ROBO2: variants seen among roughly 807,000 people sequenced by gnomAD.
The protein encoded by ROBO2 is roundabout guidance receptor 2, also known as roundabout homolog 2.
Under a neutral mutation model 160.8 loss-of-function variants are expected in ROBO2, and 53 were observed. That is an observed-to-expected ratio of 0.33 (90% CI 0.26 to 0.41). The LOEUF is 0.41. Ranked by LOEUF, ROBO2 falls within the 10% of genes least tolerant of loss-of-function variation. The pLI is 1.00. For synonymous variants in ROBO2, 664 were observed against 611.7 expected (o/e 1.09, Z -1.26); for missense variants, 1,577 against 1,722.4 (o/e 0.92, Z 1.49).
chr3:76,016,781 G>A (rs556197180), intron 2 of ROBO2, among the ~76,000 whole-genome samples: 363 of 152,166 alleles, frequency 2.4e-3, no homozygotes, highest in African/African-American at 6.3e-3. Context: ...TGTTACCTGA[G>A]TCCCCTCAGG....
chr3:77,214,068 G>A (rs1421016234), intron 2 of ROBO2, among the ~76,000 whole-genome samples: 1 of 152,090 alleles, frequency 6.6e-6, no homozygotes, highest in Non-Finnish European at 1.5e-5. Context: ...GATTTTGGGT[G>A]GAGAGTTCTG....
chr3:77,645,111 C>T (rs1220099655), intron 25 of ROBO2, among the ~76,000 whole-genome samples: 1 of 152,128 alleles, frequency 6.6e-6, no homozygotes, highest in Non-Finnish European at 1.5e-5. Flanking sequence ...TGCTATTTCA[C>T]GTTGGATTTA....
chr3:76,887,770 G>A (rs2074022674), intron 2 of ROBO2, among the ~76,000 whole-genome samples: 2 of 152,082 alleles, frequency 1.3e-5, no homozygotes, highest in African/African-American at 2.4e-5. Context: ...ACCTCAGGAA[G>A]CCATATTGAG....
At chr3:77,526,290 A>G (rs1322772031) in intron 6 of ROBO2, among the ~76,000 whole-genome samples, 1 of 151,482 alleles carries the variant, frequency 6.6e-6, no homozygotes, top group Non-Finnish European at 1.5e-5. Context: ...TGTTAAGTGA[A>G]TATGTGTAAA....
chr3:76,741,793 G>A (rs2093805967), intron 2 of ROBO2, among the ~76,000 whole-genome samples: 1 of 151,954 alleles, frequency 6.6e-6, no homozygotes, highest in Admixed American at 6.6e-5. Context: ...AAACAAATTT[G>A]CAATTTAGGA....
At chr3:77,304,425 T>C (rs573476469) in intron 2 of ROBO2, among the ~76,000 whole-genome samples, 2 of 152,260 alleles carry the variant, frequency 1.3e-5, no homozygotes, top group South Asian at 4.1e-4. Context: ...AATATGTCTC[T>C]TGGGGCCCAG....
At chr3:77,316,530 C>T (rs756022988) in intron 2 of ROBO2, among the ~76,000 whole-genome samples, 4 of 152,050 alleles carry the variant, frequency 2.6e-5, no homozygotes, top group African/African-American at 4.8e-5. Flanking sequence ...CAGGGGCTAC[C>T]GAGTTCCCCC....
At chr3:76,213,533 C>T (rs993329161) in intron 2 of ROBO2, among the ~76,000 whole-genome samples, 4 of 151,962 alleles carry the variant, frequency 2.6e-5, no homozygotes, top group African/African-American at 9.7e-5. Context: ...GTAGTGTATT[C>T]TTTTTTCTAA....
intron 2 of ROBO2, among the ~76,000 whole-genome samples, chr3:76,334,326 C>G (rs1467812157): frequency 2.0e-5 from 3 of 152,018 alleles, no homozygotes; most frequent in Non-Finnish European, 4.4e-5. Context: ...ACAGCATCCC[C>G]CACCTCCAGA....
chr3:76,360,798 C>A (rs951304616), intron 2 of ROBO2, among the ~76,000 whole-genome samples: 1 of 151,816 alleles, frequency 6.6e-6, no homozygotes, highest in African/African-American at 2.4e-5. Context: ...TGCTTTTTGC[C>A]CTTGGCCTCT....
intron 2 of ROBO2, among the ~76,000 whole-genome samples, chr3:76,447,309 CA>C (rs1373027052): frequency 2.6e-5 from 4 of 152,102 alleles, no homozygotes; most frequent in Non-Finnish European, 5.9e-5. Flanking sequence ...CATCTCTGGC[CA>C]TCAGAGAAAT....
chr3:76,484,813 T>A (rs963507396), intron 2 of ROBO2, among the ~76,000 whole-genome samples: 1 of 152,090 alleles, frequency 6.6e-6, no homozygotes, highest in Admixed American at 6.6e-5. Context: ...TTAGTGAAAA[T>A]TTTTAAAAAA....
At chr3:77,333,441 T>A (rs2066180196) in intron 2 of ROBO2, among the ~76,000 whole-genome samples, 1 of 152,206 alleles carries the variant, frequency 6.6e-6, no homozygotes, top group Non-Finnish European at 1.5e-5. Flanking sequence ...GTATAGAAGC[T>A]TTTAAGTGAA....
In ROBO2 at chr3:77,040,672, G is replaced by C; in HGVS notation, c.-114G>C. On this transcript the variant is annotated 5_prime_UTR_variant, in exon 1 of 26. An upstream open reading frame in the 5' UTR loses its in-frame stop. Transcript: ENST00000461745. ...GATTTGCTCTTCTTGACTTTAATTA[G>C]TATCTAGGAAAGTCTAAACTTTGGA... The C allele has an allele frequency of 1.3e-6, 2 of 1,591,460 alleles. No homozygotes were observed. Among genetic ancestry groups the C allele is most frequent in the Non-Finnish European group, 1.7e-6 (2 of 1,173,928 alleles).
intron 2 of ROBO2, among the ~76,000 whole-genome samples, chr3:76,326,763 T>TC (rs1242501880): frequency 1.3e-5 from 1 of 74,410 alleles, no homozygotes; most frequent in Non-Finnish European, 2.5e-5. Flanking sequence ...ATGCTATCCC[T>TC]CCCCCCTCCC....
At chr3:76,631,989 G>A (rs569563123) in intron 2 of ROBO2, among the ~76,000 whole-genome samples, 1 of 152,272 alleles carries the variant, frequency 6.6e-6, no homozygotes, top group African/African-American at 2.4e-5. Context: ...AAATAGTTTA[G>A]CAAACTACTG....
intron 2 of ROBO2, among the ~76,000 whole-genome samples, chr3:76,211,875 A>G (rs930856764): frequency 6.6e-5 from 10 of 152,052 alleles, no homozygotes; most frequent in African/African-American, 2.2e-4. Flanking sequence ...AGCTGGATTT[A>G]GGATTTTGTC....
At chr3:77,534,632 C>G (rs1211893935) in intron 6 of ROBO2, among the ~76,000 whole-genome samples, 1 of 152,128 alleles carries the variant, frequency 6.6e-6, no homozygotes, top group Non-Finnish European at 1.5e-5. Context: ...AAATGTCACT[C>G]AAGGGAATAG....
At chr3:76,722,713 G>A (rs1576237572) in intron 2 of ROBO2, among the ~76,000 whole-genome samples, 1 of 152,190 alleles carries the variant, frequency 6.6e-6, no homozygotes, top group East Asian at 1.9e-4. Flanking sequence ...AGCACACCAT[G>A]TGTGATCTTT....
Sources: gnomAD v4.1 joint callset for allele counts (sites outside exome capture counted in the v4.1 genomes callset) on GRCh38, gnomAD v4.1.1 for gene constraint, MANE v1.5 for transcripts, NCBI Gene and HGNC (gene_info 2026-07-23, HGNC 2026-07-21) for gene names.